Variants in MMACHC observed in about 807,000 individuals in gnomAD.
MMACHC encodes the protein cyanocobalamin reductase / alkylcobalamin dealkylase.
Under a neutral mutation model 17.6 loss-of-function variants are expected in MMACHC, and 14 were observed. The ratio of observed to expected loss-of-function variants is 0.80; its 90% CI spans 0.53 to 1.25. The LOEUF (loss-of-function observed/expected upper bound fraction) is 1.25, where lower values mean the gene tolerates loss of function less well. Ranked by LOEUF, MMACHC falls within the 50% of genes most tolerant of loss-of-function variation. The probability of loss-of-function intolerance (pLI) is 0.00; values close to 1 mark genes in which losing one functional copy is unlikely to be tolerated. For synonymous variants in MMACHC, 151 were observed against 142.1 expected, an observed-to-expected ratio of 1.06 and a Z score of -0.45; for missense variants, 392 against 364.5, an observed-to-expected ratio of 1.08 and a Z score of -0.62.
Position 45,512,073 on chromosome 1 carries a change from T to TC in MMACHC, c.*2858_*2859insC, listed in dbSNP as rs965558644. ...GGGGACTAATCTCTTATTTTTCTTTTTTTTTTTTTTTTTTTTTTTTTTTGA... is the reference window on the plus strand; with the variant it reads ...GGGGACTAATCTCTTATTTTTCTTTTCTTTTTTTTTTTTTTTTTTTTTTTGA... On this transcript the variant is annotated 3_prime_UTR_variant, in exon 4 of 4. Transcript: ENST00000401061. 1 of 114,262 alleles carries TC rather than the reference T, an allele frequency of 8.8e-6. No individual in the cohort carries two copies. The highest frequency in any genetic ancestry group is 1.7e-5 in the Non-Finnish European group (1 of 60,386). The allele number at this position is 114,262 out of a possible 1,614,324, so 7.1% of individuals were successfully genotyped here.
chr1:45,509,274 G>T lies in MMACHC; in HGVS notation c.*59G>T. On this transcript the variant is annotated 3_prime_UTR_variant, in exon 4 of 4. Coordinates refer to ENST00000401061, the MANE Select transcript of MMACHC (RefSeq NM_015506.3). ...ACTTGCTAGGACTTAATTGGCTTTGGCAAAGCAAAAGGTTTTGAGTACAAG... is the reference window on the plus strand; with the variant it reads ...ACTTGCTAGGACTTAATTGGCTTTGTCAAAGCAAAAGGTTTTGAGTACAAG... 6.3e-7 allele frequency: 1 copy of T among 1,597,362 alleles called. No individual in the cohort carries two copies. Among genetic ancestry groups the T allele is most frequent in the Non-Finnish European group, 8.6e-7 (1 of 1,165,618 alleles).
chr1:45,512,875 C>T lies in MMACHC; in HGVS notation c.*3660C>T, dbSNP rs528132346. 6.6e-6 allele frequency: 1 copy of T among 152,334 alleles called. No homozygotes were observed. Among genetic ancestry groups the T allele is most frequent in the African/African-American group, 2.4e-5 (1 of 41,568 alleles). The allele number at this position is 152,334 out of a possible 1,614,324, so 9.4% of individuals were successfully genotyped here. A position where few individuals can be genotyped will look rare whatever the true frequency, so the allele number is the denominator to read the frequency against. On this transcript the variant is annotated 3_prime_UTR_variant, in exon 4 of 4. Transcript: ENST00000401061. ...GGTACCTCTTGGTTATCAGTGCTCA[C>T]TGATCCCTATATAATCAGACTCTAA...
Position 45,509,488 on chromosome 1 carries a change from A to G in MMACHC, c.*273A>G, listed in dbSNP as rs1570835334. The stretch of plus-strand genomic sequence containing the variant: ...GAGTGCAGTGGCACAGTCTCTACTC[A>G]CTGCAACCTCTGCCTCCTGGGTTCA... On this transcript the variant is annotated 3_prime_UTR_variant, in exon 4 of 4. Transcript: ENST00000401061. 1 of 352,616 alleles carries G rather than the reference A, an allele frequency of 2.8e-6. No homozygotes were observed. Among genetic ancestry groups the G allele is most frequent in the East Asian group, 6.5e-5 (1 of 15,438 alleles). 21.8% of individuals were successfully genotyped at this position (352,616 alleles called of 1,614,324 possible).
chr1:45,505,583 C>T (rs996501942), intron 1 of MMACHC, among the ~76,000 whole-genome samples: 9 of 151,804 alleles, frequency 5.9e-5, no homozygotes, highest in African/African-American at 9.7e-5. Flanking sequence ...CATGAGCCAC[C>T]GCGCCGAGCC....
chr1:45,507,390 T>C lies in MMACHC; in HGVS notation c.116T>C (p.Phe39Ser), dbSNP rs1643638931. The stretch of plus-strand genomic sequence containing the variant: ...TACAATGAACTCTTGCCTCCAGCCT[T>C]CCACCTACCGCTGCCAGGACCTACC... Reference protein sequence around the residue: ...AWYNELLPPAFHLPLPGPTLA... With the variant: ...AWYNELLPPASHLPLPGPTLA... Residue 39 changes from phenylalanine to serine, a missense_variant, in exon 2 of 4, where the codon TTC (phenylalanine) becomes TCC (serine). Physicochemically the swap from Phe to Ser is radical, Grantham distance 155. Transcript: ENST00000401061. 1 of 1,614,138 alleles carries C rather than the reference T, an allele frequency of 6.2e-7. No homozygotes were observed. Among genetic ancestry groups the C allele is most frequent in the Non-Finnish European group, 8.5e-7 (1 of 1,180,024 alleles).
In MMACHC at chr1:45,511,269, C is replaced by G; in HGVS notation, c.*2054C>G. The G allele has an allele frequency of 1.5e-6, 2 of 1,349,532 alleles. No homozygotes were observed. The highest frequency in any genetic ancestry group is 2.0e-6 in the Non-Finnish European group (2 of 984,138). The allele number at this position is 1,349,532 out of a possible 1,614,324, so 83.6% of individuals were successfully genotyped here. On this transcript the variant is annotated 3_prime_UTR_variant, in exon 4 of 4. Transcript: ENST00000401061. The stretch of plus-strand genomic sequence containing the variant: ...GTTTTACTAATGGAAAAAAAAAATA[C>G]AGAAGAGGTTTTGTTCTCATGGCTG...
rs770084300 is a variant in MMACHC, at chr1:45,509,051, C to T, written c.685C>T (p.Gln229Ter). 3 of 1,614,044 alleles carry T rather than the reference C, an allele frequency of 1.9e-6. No homozygotes were observed. Among genetic ancestry groups the T allele is most frequent in the Middle Eastern group, 3.3e-4 (2 of 6,062 alleles). The change falls in exon 4 of 4, where the codon CAA (glutamine) becomes TAA (stop). Residue 229 changes from glutamine (Q) to a stop codon, truncating the protein, a stop_gained. Coordinates refer to ENST00000401061, the MANE Select transcript of MMACHC (RefSeq NM_015506.3). LOFTEE classifies it low-confidence loss of function (END_TRUNC). The stretch of plus-strand genomic sequence containing the variant: ...GGCCTACTTCTCCACTCCACCTGCC[C>T]AACGATTGGCCCTATTGGGCTTGGC... ...QKAYFSTPPAQRLALLGLAQP... is the reference protein window; with the variant it reads ...QKAYFSTPPA
intron 1 of MMACHC, among the ~76,000 whole-genome samples, chr1:45,503,118 A>C (rs189528666): frequency 2.6e-5 from 4 of 152,266 alleles, no homozygotes; most frequent in Admixed American, 2.0e-4. Flanking sequence ...AACTTTCTGC[A>C]GCCAGGCGTG....
At chr1:45,503,431 CTTTT>C (rs10607418) in intron 1 of MMACHC, among the ~76,000 whole-genome samples, 3 of 77,042 alleles carry the variant, frequency 3.9e-5, no homozygotes, top group Non-Finnish European at 4.5e-5. Context: ...TAACTCTCTG[CTTTT>C]TTTTTTTTTT....
rs570278367 is a variant in MMACHC at position 45,512,989 on chromosome 1, C to A, written c.*3774C>A. The A allele has an allele frequency of 6.6e-6, 1 of 152,284 alleles. No homozygotes were observed. Among genetic ancestry groups the A allele is most frequent in the Admixed American group, 6.5e-5 (1 of 15,296 alleles). The allele number at this position is 152,284 out of a possible 1,614,324, so 9.4% of individuals were successfully genotyped here. On this transcript the variant is annotated 3_prime_UTR_variant, in exon 4 of 4. Coordinates refer to ENST00000401061, the MANE Select transcript of MMACHC (RefSeq NM_015506.3). Reference sequence around the variant, plus strand: ...CCACTAATCCAGACTCTAATAACTTCATTTCCTTTAAATTACAAGATCAGA... The same window carrying A: ...CCACTAATCCAGACTCTAATAACTTAATTTCCTTTAAATTACAAGATCAGA...
At chr1:45,501,775 G>T (rs1237416174) in intron 1 of MMACHC, among the ~76,000 whole-genome samples, 1 of 152,058 alleles carries the variant, frequency 6.6e-6, no homozygotes, top group East Asian at 1.9e-4. Flanking sequence ...GGTATTAGGA[G>T]CTTTTGTACT....
rs537213119 is a variant in MMACHC at position 45,501,722 on chromosome 1, G to C, written c.81+1309G>C. Among the ~76,000 whole-genome samples the C allele has an allele frequency of 2.0e-5, 3 of 152,246 alleles. No homozygotes were observed. In the East Asian group the frequency reaches 5.8e-4, roughly 29 times the overall value. ...CACCGTTTCAGTGGATGGCAGGTGT[G>C]TGGGAGAGTGAGAATGCCTATCTGG... On this transcript the variant is annotated intron_variant, in intron 1 of 3. Transcript: ENST00000401061.
At chr1:45,503,747 C>T (rs1227926960) in intron 1 of MMACHC, among the ~76,000 whole-genome samples, 2 of 152,220 alleles carry the variant, frequency 1.3e-5, no homozygotes, top group African/African-American at 2.4e-5. Flanking sequence ...GGTCATCCCA[C>T]TCTGTCCCAT....
rs2149325211 is a variant in MMACHC at position 45,511,149 on chromosome 1, A to G, written c.*1934A>G. 3.5e-6 allele frequency: 2 copies of G among 573,322 alleles called. No homozygotes were observed. The highest frequency in any genetic ancestry group is 9.8e-4 in the Middle Eastern group (2 of 2,050). The allele number at this position is 573,322 out of a possible 1,614,324, so 35.5% of individuals were successfully genotyped here. A position where few individuals can be genotyped will look rare whatever the true frequency, so the allele number is the denominator to read the frequency against. On this transcript the variant is annotated 3_prime_UTR_variant, in exon 4 of 4. Coordinates refer to ENST00000401061, the MANE Select transcript of MMACHC (RefSeq NM_015506.3). Reference sequence around the variant, plus strand: ...CCTGCCCACAACGCCAACTCAGGCCATTCCTACCAAAGGAAGAAAGGCTGG... The same window carrying G: ...CCTGCCCACAACGCCAACTCAGGCCGTTCCTACCAAAGGAAGAAAGGCTGG...
intron 1 of MMACHC, among the ~76,000 whole-genome samples, chr1:45,507,141 G>A (rs149101774): frequency 1.5e-4 from 23 of 152,284 alleles, no homozygotes; most frequent in African/African-American, 5.5e-4. Context: ...ACTCCAGCCT[G>A]GGTGACAGAG....
In MMACHC at chr1:45,509,100, C is replaced by T. The variant is rs1643687077; in HGVS notation, c.734C>T (p.Ser245Phe). 6.2e-7 allele frequency: 1 copy of T among 1,612,270 alleles called. No individual in the cohort carries two copies. Among genetic ancestry groups the T allele is most frequent in the Non-Finnish European group, 8.5e-7 (1 of 1,179,216 alleles). Residue 245 changes from serine to phenylalanine, a missense_variant, in exon 4 of 4, where the codon TCT becomes TTT. Coordinates refer to ENST00000401061, the MANE Select transcript of MMACHC (RefSeq NM_015506.3). The part of the protein sequence containing the change: ...GLAQPSEKPS[S>F]PSPDLPFTTP... ...GCTCAGCCCTCAGAGAAGCCTAGTTCTCCCTCCCCGGACCTTCCCTTTACC... is the reference window on the plus strand; with the variant it reads ...GCTCAGCCCTCAGAGAAGCCTAGTTTTCCCTCCCCGGACCTTCCCTTTACC...
In MMACHC at chr1:45,508,346, T is replaced by C. The variant is rs771668444; in HGVS notation, c.411T>C (p.Ala137=). The change falls in exon 3 of 4, where the codon GCT becomes GCC. Residue 137 remains alanine (A), a synonymous_variant. Coordinates refer to ENST00000401061, the MANE Select transcript of MMACHC (RefSeq NM_015506.3). ...AYYYQRQDVE[A]DPWGNQRISG... ...ACTACCAACGACAAGATGTGGAGGC[T>C]GACCCATGGGGGAACCAGGTGAGAG... is the stretch of plus-strand genomic sequence containing the variant. 6.2e-7 allele frequency: 1 copy of C among 1,614,204 alleles called. No homozygotes were observed. Among genetic ancestry groups the C allele is most frequent in the Non-Finnish European group, 8.5e-7 (1 of 1,180,036 alleles).
At chr1:45,501,914 T>G (rs1643553001) in intron 1 of MMACHC, among the ~76,000 whole-genome samples, 1 of 152,090 alleles carries the variant, frequency 6.6e-6, no homozygotes, top group Non-Finnish European at 1.5e-5. Flanking sequence ...TTCCCTTGTA[T>G]TCCACCCATC....
chr1:45,507,639 AG>A, intron 2 of MMACHC, 89 bp downstream of exon 2: 2 of 1,425,240 alleles, frequency 1.4e-6, no homozygotes, highest in South Asian at 1.2e-5. Flanking sequence ...ACCTAGGGCT[AG>A]GAGCCACTTC....
Sources: gnomAD v4.1 joint callset for allele counts (sites outside exome capture counted in the v4.1 genomes callset) on GRCh38, gnomAD v4.1.1 for gene constraint, MANE v1.5 for transcripts, NCBI Gene and HGNC (gene_info 2026-07-23, HGNC 2026-07-21) for gene names.